The following PTK2 variants were observed in gnomAD, a reference collection of about 807,000 sequenced individuals.
The protein encoded by PTK2 is focal adhesion kinase 1.
PTK2 carries 45 observed loss-of-function variants against 150.1 expected under a neutral mutation model. That is an observed-to-expected ratio of 0.30 (90% CI 0.24 to 0.38). The LOEUF (loss-of-function observed/expected upper bound fraction) is 0.38, where lower values mean the gene tolerates loss of function less well. PTK2 is among the 10% of genes least tolerant of loss of function. The pLI is 1.00. For synonymous variants in PTK2, 432 were observed against 449.2 expected (o/e 0.96, Z 0.48); for missense variants, 919 against 1,307.3 (o/e 0.70, Z 4.58).
intron 1 of PTK2, among the ~76,000 whole-genome samples, chr8:140,999,085 A>G (rs2100198969): frequency 6.6e-6 from 1 of 152,196 alleles, no homozygotes; most frequent in Non-Finnish European, 1.5e-5. Context: ...TCCAGCCTCA[A>G]ATAATAAGGC....
intron 1 of PTK2, among the ~76,000 whole-genome samples, chr8:140,978,262 A>G (rs1410404159): frequency 2.0e-5 from 3 of 152,270 alleles, no homozygotes; most frequent in Non-Finnish European, 4.4e-5. Context: ...GACAAATGGG[A>G]TCTAATTAAA....
intron 20 of PTK2, among the ~76,000 whole-genome samples, chr8:140,741,765 A>G (rs2100055843): frequency 6.6e-6 from 1 of 152,212 alleles, no homozygotes; most frequent in African/African-American, 2.4e-5. Flanking sequence ...TAGTTCAGTA[A>G]CAATTTGAAG....
intron 9 of PTK2, 38 bp downstream of exon 9, chr8:140,818,842 T>A: frequency 6.3e-7 from 1 of 1,592,438 alleles, no homozygotes; most frequent in Non-Finnish European, 8.5e-7. Flanking sequence ...AAAAGTAAAA[T>A]CAAACTAGCC....
At chr8:140,938,619 T>C (rs774749675) in intron 1 of PTK2, among the ~76,000 whole-genome samples, 2 of 152,346 alleles carry the variant, frequency 1.3e-5, no homozygotes, top group African/African-American at 4.8e-5. Flanking sequence ...GCCCTGCCAC[T>C]GCTTTGGGGG....
intron 8 of PTK2, among the ~76,000 whole-genome samples, chr8:140,830,041 A>G (rs919894097): frequency 2.0e-5 from 3 of 151,940 alleles, no homozygotes; most frequent in African/African-American, 4.8e-5. Flanking sequence ...GGGTTGAAAC[A>G]AAAGACAGAC....
At chr8:140,894,331 A>G (rs1228089694) in intron 2 of PTK2, among the ~76,000 whole-genome samples, 1 of 152,192 alleles carries the variant, frequency 6.6e-6, no homozygotes, top group Admixed American at 6.5e-5. Flanking sequence ...CCAGTGAGAA[A>G]TAAGTTTCTG....
intron 30 of PTK2, among the ~76,000 whole-genome samples, chr8:140,667,150 T>G (rs577164188): frequency 6.6e-6 from 1 of 152,260 alleles, no homozygotes; most frequent in East Asian, 1.9e-4. Flanking sequence ...AATGCACAGT[T>G]TCAGTTTTGC....
In PTK2 at chr8:140,816,073, A is replaced by C. The variant is rs115434712; in HGVS notation, c.867+2204T>G. Among the ~76,000 whole-genome samples, 683 of 152,312 alleles carry C rather than the reference A, an allele frequency of 4.5e-3. 3 individuals are homozygous for C. Among genetic ancestry groups the C allele is most frequent in the African/African-American group, 0.016 (645 of 41,572 alleles). ...GTAAAATTATTCTTTTGCTGATTAC[A>C]TTATTATACACTTATAAAATCCAAA... On this transcript the variant is annotated intron_variant, in intron 10 of 31. Coordinates refer to ENST00000522684, the Ensembl canonical transcript of PTK2.
At chr8:140,979,821 A>C (rs1446212931) in intron 1 of PTK2, among the ~76,000 whole-genome samples, 2 of 152,160 alleles carry the variant, frequency 1.3e-5, no homozygotes, top group African/African-American at 4.8e-5. Flanking sequence ...ATCCATGTAC[A>C]ATGTGACTTT....
At chr8:140,677,573 T>G (rs560135885) in intron 27 of PTK2, among the ~76,000 whole-genome samples, 1 of 152,370 alleles carries the variant, frequency 6.6e-6, no homozygotes, top group East Asian at 1.9e-4. Context: ...AGATATAACC[T>G]AAGACACTTT....
intron 2 of PTK2, chr8:140,921,041 G>C: frequency 7.7e-7 from 1 of 1,302,472 alleles, no homozygotes; most frequent in African/African-American, 1.5e-5. Context: ...TTCAGAGCTT[G>C]AAGCAAAATT....
intron 31 of PTK2, among the ~76,000 whole-genome samples, chr8:140,661,760 TAGGACTGAGGG>T: frequency 6.6e-6 from 1 of 151,418 alleles, no homozygotes; most frequent in Non-Finnish European, 1.5e-5. Flanking sequence ...AAGGGGGAGT[TAGGACTGAGGG>T]GAAAGCAGGG....
chr8:140,828,571 A>C (rs2100113349), intron 8 of PTK2, among the ~76,000 whole-genome samples: 1 of 152,132 alleles, frequency 6.6e-6, no homozygotes, highest in African/African-American at 2.4e-5. Flanking sequence ...ACAACTGAAA[A>C]CCCCTGACCA....
chr8:140,919,882 G>A (rs1167729977), intron 2 of PTK2, among the ~76,000 whole-genome samples: 1 of 152,086 alleles, frequency 6.6e-6, no homozygotes, highest in Non-Finnish European at 1.5e-5. Context: ...ATCAATAGAT[G>A]TCAGCAACAA....
chr8:140,774,822 C>T (rs1185781553), intron 14 of PTK2, among the ~76,000 whole-genome samples: 1 of 152,180 alleles, frequency 6.6e-6, no homozygotes, highest in Non-Finnish European at 1.5e-5. Context: ...AAAAGACACT[C>T]CCACCAATGC....
intron 7 of PTK2, among the ~76,000 whole-genome samples, chr8:140,837,575 A>G (rs990864179): frequency 6.6e-6 from 1 of 151,652 alleles, no homozygotes; most frequent in African/African-American, 2.4e-5. Context: ...CTAAAAATAA[A>G]AAAATTAGCT....
chr8:140,755,665 T>C (rs1189808959), intron 16 of PTK2, among the ~76,000 whole-genome samples: 2 of 152,180 alleles, frequency 1.3e-5, no homozygotes, highest in African/African-American at 4.8e-5. Context: ...TCTTGGGATT[T>C]AGCGTACGTC....
chr8:140,808,339 T>C (rs1337906719), intron 10 of PTK2, among the ~76,000 whole-genome samples: 1 of 150,586 alleles, frequency 6.6e-6, no homozygotes, highest in African/African-American at 2.5e-5. Flanking sequence ...GGAGGAGGAG[T>C]GTGGCAGGCA....
intron 1 of PTK2, among the ~76,000 whole-genome samples, chr8:140,998,063 A>C (rs963017364): frequency 1.3e-5 from 2 of 152,246 alleles, no homozygotes; most frequent in Non-Finnish European, 2.9e-5. Flanking sequence ...TGGTCTAGAA[A>C]CAGACCAAGA....
Sources: allele counts gnomAD v4.1 joint callset (sites outside exome capture counted in the v4.1 genomes callset), GRCh38; gene constraint gnomAD v4.1.1; transcripts MANE v1.5; gene names NCBI Gene and HGNC (gene_info 2026-07-23, HGNC 2026-07-21).